The following DPP10 variants were observed in gnomAD, a reference collection of about 807,000 sequenced individuals.
The protein encoded by DPP10 is dipeptidyl peptidase like 10.
Under a neutral mutation model 120.9 loss-of-function variants are expected in DPP10, and 33 were observed. The ratio of observed to expected loss-of-function variants is 0.27; its 90% confidence interval spans 0.21 to 0.37. DPP10 has a LOEUF of 0.37. Ranked by LOEUF, DPP10 falls within the 10% of genes least tolerant of loss-of-function variation. The pLI, the probability that DPP10 is intolerant of heterozygous loss-of-function variation, is 1.00. For synonymous variants in DPP10, 337 were observed against 326.1 expected (o/e 1.03, Z -0.36); for missense variants, 816 against 942.8 (o/e 0.87, Z 1.76).
At chr2:115,337,764 C>G (rs2063231774) in intron 2 of DPP10, among the ~76,000 whole-genome samples, 1 of 147,068 alleles carries the variant, frequency 6.8e-6, no homozygotes, top group South Asian at 2.2e-4. Context: ...AGGAAGGAGT[C>G]TTTATTCTAG....
chr2:114,520,349 A>T (rs1171989322), intron 1 of DPP10, among the ~76,000 whole-genome samples: 3 of 152,350 alleles, frequency 2.0e-5, no homozygotes, highest in African/African-American at 7.2e-5. Context: ...TAAAATACAG[A>T]TGACCCTCAA....
chr2:115,717,185 C>A (rs1431197823), intron 7 of DPP10, among the ~76,000 whole-genome samples: 1 of 152,102 alleles, frequency 6.6e-6, no homozygotes, highest in African/African-American at 2.4e-5. Context: ...AACATTGAGG[C>A]TTTGAAGGTT....
chr2:115,259,156 C>T (rs993784104), intron 1 of DPP10, among the ~76,000 whole-genome samples: 1 of 152,104 alleles, frequency 6.6e-6, no homozygotes, highest in African/African-American at 2.4e-5. Flanking sequence ...ATCATCCTGC[C>T]TACATTCCTG....
At chr2:114,585,402 G>A (rs866758571) in intron 1 of DPP10, among the ~76,000 whole-genome samples, 4 of 152,122 alleles carry the variant, frequency 2.6e-5, no homozygotes, top group Non-Finnish European at 4.4e-5. Flanking sequence ...CAGACTTGAA[G>A]GGCTCATGTG....
rs371075164 is a variant in DPP10, at chr2:115,366,144, AT to A, written c.271+22240del. 9.4e-3 allele frequency among the ~76,000 whole-genome samples: 1,433 copies of A among 151,808 alleles called. 20 individuals carry two copies. Among genetic ancestry groups the A allele is most frequent in the African/African-American group, 0.033 (1,380 of 41,422 alleles). The stretch of plus-strand genomic sequence containing the variant: ...TATAATAATATATTATTGAAATAAT[AT>A]TTTTTTTCCATTTTCTTCCCAAAGG... On this transcript the variant is annotated intron_variant, in intron 3 of 25. Transcript: ENST00000410059.
chr2:115,303,212 T>C lies in DPP10; in HGVS notation c.61-6027T>C, dbSNP rs186413881. Among the ~76,000 whole-genome samples, 23 of 152,160 alleles carry C rather than the reference T, an allele frequency of 1.5e-4. 1 individual carries two copies. The East Asian group carries it at 3.1e-3, about 20-fold the overall frequency. ...AGATGACACGAACTTAATAAAAATT[T>C]AGAATTTTTTTCTGCCTTCAATATG... On this transcript the variant is annotated intron_variant, in intron 1 of 25. Coordinates refer to ENST00000410059, the MANE Select transcript of DPP10 (RefSeq NM_020868.6).
chr2:114,821,058 G>A (rs1158946140), intron 1 of DPP10, among the ~76,000 whole-genome samples: 1 of 152,182 alleles, frequency 6.6e-6, no homozygotes, highest in African/African-American at 2.4e-5. Context: ...ACAGAGGGAG[G>A]GGGCCTCCAA....
intron 1 of DPP10, among the ~76,000 whole-genome samples, chr2:115,109,093 C>A (rs2049087209): frequency 6.6e-6 from 1 of 152,082 alleles, no homozygotes; most frequent in African/African-American, 2.4e-5. Context: ...TGTGTCTGGC[C>A]TTGTCAGAAG....
Position 115,133,143 on chromosome 2 carries a change from GTGTA to G in DPP10, c.61-176094_61-176091del, listed in dbSNP as rs1344350631. On this transcript the variant is annotated intron_variant, in intron 1 of 25. Coordinates refer to ENST00000410059, the MANE Select transcript of DPP10 (RefSeq NM_020868.6). The stretch of plus-strand genomic sequence containing the variant: ...TGTGTGTGTGTGTGTGTGTGTGTGT[GTGTA>G]TATATATATATATATATATATATAT... Among the ~76,000 whole-genome samples the G allele has an allele frequency of 1.7e-3, 53 of 32,006 alleles. 1 individual carries two copies. The highest frequency in any genetic ancestry group is 0.031 in the Middle Eastern group (1 of 32). 21.0% of individuals were successfully genotyped at this position (32,006 alleles called of 152,430 possible). A position where few individuals can be genotyped will look rare whatever the true frequency, so the allele number is the denominator to read the frequency against.
chr2:115,686,115 C>T (rs1225266500), intron 5 of DPP10, among the ~76,000 whole-genome samples: 2 of 151,946 alleles, frequency 1.3e-5, no homozygotes, highest in African/African-American at 4.8e-5. Flanking sequence ...AAACAATTAT[C>T]GTTTTGAGGG....
chr2:114,997,048 T>C (rs1253451105), intron 1 of DPP10, among the ~76,000 whole-genome samples: 2 of 151,648 alleles, frequency 1.3e-5, no homozygotes, highest in African/African-American at 4.8e-5. Context: ...AGGGGGTCAT[T>C]GGGTAAAGTA....
At chr2:115,349,672 A>T (rs1015062205) in intron 3 of DPP10, among the ~76,000 whole-genome samples, 1 of 152,124 alleles carries the variant, frequency 6.6e-6, no homozygotes, top group Non-Finnish European at 1.5e-5. Flanking sequence ...AACAAGAAAC[A>T]TTATTGTAAT....
At chr2:114,718,411 A>AG (rs1287649558) in intron 1 of DPP10, among the ~76,000 whole-genome samples, 1 of 151,296 alleles carries the variant, frequency 6.6e-6, no homozygotes, top group Non-Finnish European at 1.5e-5. Context: ...AAAAAAAAAA[A>AG]AAAAAAAAAA....
intron 5 of DPP10, among the ~76,000 whole-genome samples, chr2:115,658,532 G>C (rs1391875037): frequency 2.0e-5 from 3 of 151,896 alleles, no homozygotes; most frequent in Admixed American, 1.3e-4. Context: ...ATTACCAATG[G>C]TAGGCACTGG....
intron 1 of DPP10, among the ~76,000 whole-genome samples, chr2:115,269,788 G>T (rs2059612510): frequency 6.6e-6 from 1 of 152,116 alleles, no homozygotes; most frequent in Admixed American, 6.5e-5. Flanking sequence ...CAAGGAAAGA[G>T]GATTATGGAA....
Position 114,804,647 on chromosome 2 carries a change from T to C in DPP10, c.60+361809T>C, listed in dbSNP as rs532066012. Among the ~76,000 whole-genome samples the C allele has an allele frequency of 2.0e-5, 3 of 152,304 alleles. No individual in the cohort carries two copies. The South Asian group carries it at 6.2e-4, about 32-fold the overall frequency. Reference sequence around the variant, plus strand: ...GGATTTCAGACTTGCACGGGCCCTGTAACCCCTTTATTTTGGAGAATTTCT... The same window carrying C: ...GGATTTCAGACTTGCACGGGCCCTGCAACCCCTTTATTTTGGAGAATTTCT... On this transcript the variant is annotated intron_variant, in intron 1 of 25. Transcript: ENST00000410059.
intron 1 of DPP10, among the ~76,000 whole-genome samples, chr2:115,242,458 C>G (rs1233940140): frequency 1.3e-5 from 2 of 152,090 alleles, no homozygotes; most frequent in African/African-American, 4.8e-5. Context: ...GCAAATTGTG[C>G]TGCTATAAGC....
At chr2:114,468,855 G>A (rs536946221) in intron 1 of DPP10, among the ~76,000 whole-genome samples, 31 of 152,002 alleles carry the variant, frequency 2.0e-4, no homozygotes, top group South Asian at 8.3e-4. Context: ...TTGAAATATC[G>A]CATTTCATTT....
At chr2:114,910,558 A>G (rs1010873343) in intron 1 of DPP10, among the ~76,000 whole-genome samples, 1 of 152,038 alleles carries the variant, frequency 6.6e-6, no homozygotes, top group Non-Finnish European at 1.5e-5. Context: ...TATTTTTACT[A>G]CATTCTGATT....
Sources: gnomAD v4.1 joint callset for allele counts (sites outside exome capture counted in the v4.1 genomes callset) on GRCh38, gnomAD v4.1.1 for gene constraint, MANE v1.5 for transcripts, NCBI Gene and HGNC (gene_info 2026-07-23, HGNC 2026-07-21) for gene names.